TMEM68: variants seen among roughly 807,000 people sequenced by gnomAD.
TMEM68 encodes the protein transmembrane protein 68.
A neutral mutation model predicts 36.9 loss-of-function variants in TMEM68; 25 were observed. The observed-to-expected ratio is 0.68, with a 90% CI of 0.49 to 0.95. TMEM68 has a LOEUF of 0.95. Among genes scored for constraint, TMEM68 ranks in the 40% least tolerant of loss-of-function variants. The pLI, the probability that TMEM68 is intolerant of heterozygous loss-of-function variation, is 0.00. For missense variants in TMEM68, 333 were observed against 392.0 expected, an observed-to-expected ratio of 0.85 and a Z score of 1.27; for synonymous variants, 131 against 124.4, an observed-to-expected ratio of 1.05 and a Z score of -0.35.
At chr8:55,748,612 A>AT (rs541430913) in intron 5 of TMEM68, among the ~76,000 whole-genome samples, 97 of 151,710 alleles carry the variant, frequency 6.4e-4, no homozygotes, top group Admixed American at 3.0e-3. Context: ...TATATGTATA[A>AT]TTTTTTTATT....
At chr8:55,743,839 T>G (rs1399567262) in intron 6 of TMEM68, among the ~76,000 whole-genome samples, 1 of 152,060 alleles carries the variant, frequency 6.6e-6, no homozygotes, top group Non-Finnish European at 1.5e-5. Flanking sequence ...TAGGGGATGG[T>G]GAGAAGATTT....
In TMEM68 at chr8:55,744,602, C is replaced by T. The variant is rs183510772; in HGVS notation, c.748+459G>A. Among the ~76,000 whole-genome samples, 666 of 152,078 alleles carry T rather than the reference C, an allele frequency of 4.4e-3. 3 individuals are homozygous for T. Among genetic ancestry groups the T allele is most frequent in the African/African-American group, 0.015 (612 of 41,480 alleles). ...GATTACAGGCATGAGCCACCGCTCC[C>T]GGCCGCTACAAAATATTTTTAAAAA... On this transcript the variant is annotated intron_variant, in intron 6 of 7. Transcript: ENST00000434581.
chr8:55,745,141 G>A lies in TMEM68; in HGVS notation c.688-20C>T, dbSNP rs897475071. 7.1e-7 allele frequency: 1 copy of A among 1,413,136 alleles called. No individual in the cohort carries two copies. 87.5% of individuals were successfully genotyped at this position (1,413,136 alleles called of 1,614,324 possible). On this transcript the variant is annotated intron_variant, in intron 5 of 7. Transcript: ENST00000434581. ...AATGGGCTAAAGAAAAGGAGAATTT[G>A]AATTAAAAAGTAAATAAATTAATCC...
At chr8:55,751,497 T>C (rs1810426084) in intron 4 of TMEM68, 1 of 442,686 alleles carries the variant, frequency 2.3e-6, no homozygotes. Context: ...TCTAATGGGA[T>C]TCAGAAATGA....
chr8:55,753,429 A>C (rs749002937), intron 4 of TMEM68, among the ~76,000 whole-genome samples: 1 of 152,238 alleles, frequency 6.6e-6, no homozygotes, highest in African/African-American at 2.4e-5. Flanking sequence ...TTAAGATGGT[A>C]AGATTATAAT....
intron 3 of TMEM68, among the ~76,000 whole-genome samples, 186 bp from the exon 4 acceptor site, chr8:55,756,597 T>C (rs937980742): frequency 6.6e-5 from 10 of 152,236 alleles, no homozygotes; most frequent in Non-Finnish European, 1.0e-4. Flanking sequence ...CCTACAGCCA[T>C]TAGGTGGGCC....
intron 1 of TMEM68, among the ~76,000 whole-genome samples, chr8:55,768,718 T>G (rs556282955): frequency 1.3e-5 from 2 of 151,996 alleles, no homozygotes; most frequent in African/African-American, 4.8e-5. Flanking sequence ...TGGTGATGCA[T>G]TCCTGTAATC....
intron 1 of TMEM68, among the ~76,000 whole-genome samples, chr8:55,767,998 A>G (rs1321161332): frequency 6.6e-6 from 1 of 152,196 alleles, no homozygotes; most frequent in African/African-American, 2.4e-5. Flanking sequence ...GAAGTTGGGA[A>G]GACAATGGCA....
chr8:55,752,978 G>A (rs1428636289), intron 4 of TMEM68, among the ~76,000 whole-genome samples: 1 of 151,940 alleles, frequency 6.6e-6, no homozygotes, highest in African/African-American at 2.4e-5. Flanking sequence ...CAATCCTACT[G>A]CCTTAGCCTC....
In TMEM68 at chr8:55,769,011, C is replaced by A. The variant is rs1482421851; in HGVS notation, c.-115+4258G>T. 3.2e-5 allele frequency among the ~76,000 whole-genome samples: 2 copies of A among 62,970 alleles called. 1 individual carries two copies. The highest frequency in any genetic ancestry group is 7.0e-5 in the Non-Finnish European group (2 of 28,666). The allele number at this position is 62,970 out of a possible 152,430, so 41.3% of individuals were successfully genotyped here. On this transcript the variant is annotated intron_variant, in intron 1 of 7. Transcript: ENST00000434581. ...AGCCTCAGTGAAAGAGCAAGAGACT[C>A]TGTCTTTAAAAAAAAAAAAAAAAAA... is the stretch of plus-strand genomic sequence containing the variant.
intron 1 of TMEM68, among the ~76,000 whole-genome samples, chr8:55,766,484 C>T (rs892877216): frequency 2.7e-5 from 4 of 149,438 alleles, no homozygotes; most frequent in Non-Finnish European, 5.9e-5. Context: ...TCACACCATT[C>T]TCCTGCCTCA....
chr8:55,765,676 T>C (rs188950134), intron 1 of TMEM68, among the ~76,000 whole-genome samples: 1 of 152,336 alleles, frequency 6.6e-6, no homozygotes, highest in African/African-American at 2.4e-5. Flanking sequence ...GAAAAAAACC[T>C]TTTTGAGCCC....
At chr8:55,773,076 G>T (rs987311022) in intron 1 of TMEM68, 193 bp downstream of exon 1, 1 of 152,380 alleles carries the variant, frequency 6.6e-6, no homozygotes, top group Non-Finnish European at 1.5e-5. Flanking sequence ...GCGCTGGGGC[G>T]CAACACTGAG....
chr8:55,770,856 G>C (rs981801313), intron 1 of TMEM68, among the ~76,000 whole-genome samples: 8 of 152,114 alleles, frequency 5.3e-5, no homozygotes, highest in African/African-American at 1.9e-4. Flanking sequence ...CGTAACTTTT[G>C]TAAAAACAAG....
rs939056365 is a variant in TMEM68, at chr8:55,739,881, C to A, written c.*251G>T. The A allele has an allele frequency of 2.3e-6, 1 of 435,806 alleles. No individual in the cohort carries two copies. Among genetic ancestry groups the A allele is most frequent in the South Asian group, 3.1e-5 (1 of 32,684 alleles). The allele number at this position is 435,806 out of a possible 1,614,324, so 27.0% of individuals were successfully genotyped here. ...TAAACTTAAGAATCTATATGTTTAG[C>A]ATAAATTGTTAGGAATTTACAAATA... On this transcript the variant is annotated 3_prime_UTR_variant, in exon 8 of 8. Transcript: ENST00000434581.
chr8:55,743,347 T>A, intron 7 of TMEM68, 134 bp downstream of exon 7: 1 of 1,140,374 alleles, frequency 8.8e-7, no homozygotes, highest in Non-Finnish European at 1.2e-6. Flanking sequence ...TTCCCTAGGG[T>A]ATACAATCAC....
At chr8:55,750,650 C>T (rs1810402924) in intron 5 of TMEM68, among the ~76,000 whole-genome samples, 1 of 150,360 alleles carries the variant, frequency 6.7e-6, no homozygotes, top group Admixed American at 6.7e-5. Flanking sequence ...AGCAATTCTC[C>T]TCCCTCAGCC....
intron 3 of TMEM68, 83 bp from the exon 4 acceptor site, chr8:55,756,494 T>C (rs1295425189): frequency 1.6e-6 from 2 of 1,274,540 alleles, no homozygotes; most frequent in Non-Finnish European, 1.1e-6. Context: ...CTCAGTCTTT[T>C]CTCACAAAAG....
At chr8:55,751,425 T>C (rs1279861365) in intron 4 of TMEM68, 1 of 434,250 alleles carries the variant, frequency 2.3e-6, no homozygotes, top group Non-Finnish European at 4.2e-6. Flanking sequence ...GCTTACAGAA[T>C]AATAGCTTGC....
Sources: gnomAD v4.1 joint callset for allele counts (sites outside exome capture counted in the v4.1 genomes callset) on GRCh38, gnomAD v4.1.1 for gene constraint, MANE v1.5 for transcripts, NCBI Gene and HGNC (gene_info 2026-07-23, HGNC 2026-07-21) for gene names.